Variants in ARFGEF3 observed in about 807,000 individuals in gnomAD.
ARFGEF3 encodes ARFGEF family member 3, also known as brefeldin A-inhibited guanine nucleotide-exchange protein 3.
In ARFGEF3, 96 loss-of-function variants were observed where a neutral mutation model predicts 221.7. That is an observed-to-expected ratio of 0.43 (90% CI 0.37 to 0.51). ARFGEF3 has a LOEUF of 0.51. ARFGEF3 is among the 20% of genes least tolerant of loss of function. The pLI is 0.00. For missense variants in ARFGEF3, 2,410 were observed against 2,789.9 expected, an observed-to-expected ratio of 0.86 and a Z score of 3.07; for synonymous variants, 1,145 against 1,126.8, an observed-to-expected ratio of 1.02 and a Z score of -0.32.
intron 19 of ARFGEF3, 23 bp downstream of exon 19, chr6:138,292,076 G>T (rs992218870): frequency 7.2e-7 from 1 of 1,383,238 alleles, no homozygotes; most frequent in South Asian, 1.6e-5. Context: ...GGCCTCCCAC[G>T]CCCCGGGAGC....
Position 138,238,517 on chromosome 6 carries a change from T to G in ARFGEF3, c.429T>G (p.Ile143Met), listed in dbSNP as rs1282149525. The change falls in exon 6 of 34, where the codon ATT (isoleucine) becomes ATG (methionine). Residue 143 changes from isoleucine (I) to methionine (M), a missense_variant. By Grantham distance (10) the Ile-to-Met change is conservative. Coordinates refer to ENST00000251691, the MANE Select transcript of ARFGEF3 (RefSeq NM_020340.5). The stretch of plus-strand genomic sequence containing the variant: ...TCTTATTTCTTTAACAGGTGTGCAT[T>G]GAGACGTACATAAGCAGCTGTCACC... The part of the protein sequence containing the change: ...SAVLKIAEVC[I>M]ETYISSCHQR... The G allele has an allele frequency of 6.2e-7, 1 of 1,613,516 alleles. No homozygotes were observed. Among genetic ancestry groups the G allele is most frequent in the East Asian group, 2.2e-5 (1 of 44,876 alleles).
At chr6:138,246,557 T>C (rs1478750232) in intron 8 of ARFGEF3, among the ~76,000 whole-genome samples, 1 of 152,250 alleles carries the variant, frequency 6.6e-6, no homozygotes, top group East Asian at 1.9e-4. Context: ...TCTTAAAAGT[T>C]GTTGCCAAAT....
rs1265984619 is a variant in ARFGEF3, at chr6:138,319,796, A to T, written c.4568A>T (p.Asp1523Val). 6.2e-7 allele frequency: 1 copy of T among 1,613,868 alleles called. No homozygotes were observed. Among genetic ancestry groups the T allele is most frequent in the East Asian group, 2.2e-5 (1 of 44,892 alleles). ...AGCCATAAAGACCATTCCTACTGGG[A>T]TATGGCCTCTGCCAATTTCAAGCAC... is the stretch of plus-strand genomic sequence containing the variant. The part of the protein sequence containing the change: ...RRSHKDHSYW[D>V]MASANFKHAI... Residue 1523 changes from aspartate (D) to valine (V), a missense_variant, in exon 28 of 34, where the codon GAT becomes GTT. Around this residue, in one of 5 missense-constraint regions of ARFGEF3, gnomAD observed 723 missense variants for 991.9 expected, o/e 0.73. Coordinates refer to ENST00000251691, the MANE Select transcript of ARFGEF3 (RefSeq NM_020340.5).
intron 32 of ARFGEF3, among the ~76,000 whole-genome samples, chr6:138,333,731 C>T (rs977202774): frequency 6.6e-6 from 1 of 152,162 alleles, no homozygotes; most frequent in Admixed American, 6.5e-5. Context: ...CTTGAGCCAC[C>T]GCGCTCGGCC....
intron 14 of ARFGEF3, among the ~76,000 whole-genome samples, chr6:138,280,683 T>C (rs1289863857): frequency 6.6e-6 from 1 of 152,218 alleles, no homozygotes; most frequent in Non-Finnish European, 1.5e-5. Context: ...AAACTCCGTC[T>C]CTACTAAAAA....
chr6:138,214,987 G>A (rs1777811594), intron 4 of ARFGEF3, among the ~76,000 whole-genome samples: 1 of 152,234 alleles, frequency 6.6e-6, no homozygotes, highest in African/African-American at 2.4e-5. Context: ...TACAGAATCA[G>A]AAAGAGGCTC....
intron 12 of ARFGEF3, among the ~76,000 whole-genome samples, chr6:138,269,732 A>AGGAGG (rs1214356328): frequency 6.6e-6 from 1 of 152,104 alleles, no homozygotes; most frequent in Non-Finnish European, 1.5e-5. Flanking sequence ...GCTTGAACCC[A>AGGAGG]GGAGGCGGAG....
chr6:138,313,784 T>C lies in ARFGEF3; in HGVS notation c.4201-11T>C. The C allele has an allele frequency of 6.2e-7, 1 of 1,611,266 alleles. No individual in the cohort carries two copies. The highest frequency in any genetic ancestry group is 8.5e-7 in the Non-Finnish European group (1 of 1,177,880). On this transcript the variant is annotated splice_polypyrimidine_tract_variant and intron_variant, in intron 25 of 33. Transcript: ENST00000251691. ...CATATAATTGCAGTTTGTCTTTTTA[T>C]TTTAATTTAGTTATTGGCCAAAATC...
intron 26 of ARFGEF3, among the ~76,000 whole-genome samples, chr6:138,314,255 A>G (rs1157386165): frequency 1.3e-5 from 2 of 152,048 alleles, no homozygotes; most frequent in Non-Finnish European, 2.9e-5. Context: ...TTGATCAGGA[A>G]CCCACTCCCA....
At position 138,286,879 on chromosome 6, in the gene ARFGEF3, C is replaced by A; in HGVS notation, c.2748C>A (p.Asp916Glu). 3 of 1,613,536 alleles carry A rather than the reference C, an allele frequency of 1.9e-6. No individual in the cohort carries two copies. Among genetic ancestry groups the A allele is most frequent in the South Asian group, 2.2e-5 (2 of 91,062 alleles). Residue 916 changes from aspartate (D) to glutamate (E), a missense_variant, in exon 16 of 34, where the codon GAC becomes GAA. Asp to Glu is a conservative substitution (Grantham distance 45). Transcript: ENST00000251691. ...GGGACGCCATCTGCATGAGCCTCGA[C>A]GGGCTGCGGAAAGCCGCACGGCTGA... ...KERDAICMSL[D>E]GLRKAARLSC... is the part of the protein sequence containing the mutation.
rs1011781665 is a variant in ARFGEF3, at chr6:138,303,197, A to T, written c.3829-4056A>T. Reference sequence around the variant, plus strand: ...GAGGTACAAATGTGATCAATTGAAGATTCATGTTATAATCCCTAGGGCAGC... The same window carrying T: ...GAGGTACAAATGTGATCAATTGAAGTTTCATGTTATAATCCCTAGGGCAGC... On this transcript the variant is annotated intron_variant, in intron 22 of 33. Coordinates refer to ENST00000251691, the MANE Select transcript of ARFGEF3 (RefSeq NM_020340.5). Among the ~76,000 whole-genome samples, 20 of 152,210 alleles carry T rather than the reference A, an allele frequency of 1.3e-4. 1 individual carries two copies. The highest frequency in any genetic ancestry group is 1.2e-3 in the Admixed American group (18 of 15,278).
intron 2 of ARFGEF3, among the ~76,000 whole-genome samples, chr6:138,197,973 A>G (rs1777462239): frequency 6.6e-6 from 1 of 152,310 alleles, no homozygotes; most frequent in East Asian, 1.9e-4. Context: ...CATTGAGCTG[A>G]GCTCTTTCTT....
intron 11 of ARFGEF3, 52 bp downstream of exon 11, chr6:138,261,691 T>C (rs1362673114): frequency 9.3e-7 from 1 of 1,073,780 alleles, no homozygotes; most frequent in Admixed American, 3.0e-5. Context: ...TCTGAAGACT[T>C]TTAACCTTGC....
chr6:138,260,903 G>A (rs527293362), intron 10 of ARFGEF3, among the ~76,000 whole-genome samples: 2 of 152,164 alleles, frequency 1.3e-5, no homozygotes, highest in Admixed American at 6.5e-5. Flanking sequence ...TTGAAAACCA[G>A]GTAAAATGGA....
chr6:138,224,547 G>C (rs1211409364), intron 4 of ARFGEF3, among the ~76,000 whole-genome samples: 1 of 152,172 alleles, frequency 6.6e-6, no homozygotes, highest in African/African-American at 2.4e-5. Context: ...ACAATAATGA[G>C]TAGGCACATA....
At chr6:138,299,777 G>A (rs1779596987) in intron 22 of ARFGEF3, among the ~76,000 whole-genome samples, 1 of 152,096 alleles carries the variant, frequency 6.6e-6, no homozygotes, top group Admixed American at 6.5e-5. Flanking sequence ...TCAGGCCAAG[G>A]TTGAATTAAA....
Position 138,335,160 on chromosome 6 carries a change from C to T in ARFGEF3, c.6314C>T (p.Ser2105Leu). 1.3e-6 allele frequency: 2 copies of T among 1,562,114 alleles called. No homozygotes were observed. Among genetic ancestry groups the T allele is most frequent in the Non-Finnish European group, 1.7e-6 (2 of 1,161,112 alleles). Residue 2105 changes from serine (S) to leucine (L), a missense_variant, in exon 33 of 34, where the codon TCG becomes TTG. Transcript: ENST00000251691. The stretch of plus-strand genomic sequence containing the variant: ...TCCACCGGGAGCTCCCTCAGTGTCT[C>T]GGTGAGAGACGCAGAAGCACAGATC... The part of the protein sequence containing the change: ...SGSTGSSLSV[S>L]VRDAEAQIQA...
At chr6:138,185,075 T>C (rs1777155904) in intron 2 of ARFGEF3, among the ~76,000 whole-genome samples, 2 of 152,216 alleles carry the variant, frequency 1.3e-5, no homozygotes, top group Admixed American at 6.5e-5. Flanking sequence ...GATCTGCTCT[T>C]ATTATCAGCC....
chr6:138,258,118 G>A (rs1012050370), intron 10 of ARFGEF3, among the ~76,000 whole-genome samples: 3 of 152,046 alleles, frequency 2.0e-5, no homozygotes, highest in African/African-American at 7.2e-5. Flanking sequence ...CTCCCATCAA[G>A]GCCGAGTTAC....
Sources: allele counts gnomAD v4.1 joint callset (sites outside exome capture counted in the v4.1 genomes callset), GRCh38; gene constraint gnomAD v4.1.1; regional missense constraint gnomAD v4.1.1; transcripts MANE v1.5; gene names NCBI Gene and HGNC (gene_info 2026-07-23, HGNC 2026-07-21).